Variants in SORCS2 observed in about 807,000 individuals in gnomAD.
SORCS2 encodes sortilin related VPS10 domain containing receptor 2.
SORCS2 carries 100 observed loss-of-function variants against 141.6 expected under a neutral mutation model. The ratio of observed to expected loss-of-function variants is 0.71; its 90% CI spans 0.60 to 0.83. The LOEUF (loss-of-function observed/expected upper bound fraction) is 0.83, where lower values mean the gene tolerates loss of function less well. Ranked by LOEUF, SORCS2 falls within the 40% of genes least tolerant of loss-of-function variation. The pLI, the probability that SORCS2 is intolerant of heterozygous loss-of-function variation, is 0.00. For synonymous variants in SORCS2, 789 were observed against 676.9 expected (o/e 1.17, Z -2.57); for missense variants, 1,646 against 1,560.2 (o/e 1.05, Z -0.93).
intron 3 of SORCS2, among the ~76,000 whole-genome samples, chr4:7,532,606 G>T (rs73089774): frequency 1.3e-5 from 2 of 152,186 alleles, no homozygotes; most frequent in Non-Finnish European, 1.5e-5. Flanking sequence ...CGATGGTTGC[G>T]CTGGTGGCAG....
intron 4 of SORCS2, among the ~76,000 whole-genome samples, chr4:7,640,810 T>TA (rs916926461): frequency 6.6e-6 from 1 of 151,982 alleles, no homozygotes; most frequent in Non-Finnish European, 1.5e-5. Context: ...TGGCTCTGGG[T>TA]AGAGCAACTG....
Position 7,246,363 on chromosome 4 carries a change from C to A in SORCS2, c.480+53237C>A, listed in dbSNP as rs141227715. Among the ~76,000 whole-genome samples, 13 of 152,310 alleles carry A rather than the reference C, an allele frequency of 8.5e-5. No homozygotes were observed. In the East Asian group the frequency reaches 2.5e-3, roughly 29 times the overall value. On this transcript the variant is annotated intron_variant, in intron 1 of 26. Coordinates refer to ENST00000507866, the MANE Select transcript of SORCS2 (RefSeq NM_020777.3). Reference sequence around the variant, plus strand: ...ATGGCTTAAATGAACCCACAGATCTCACCCAGGGCTTAAATGAACCCGCAG... The same window carrying A: ...ATGGCTTAAATGAACCCACAGATCTAACCCAGGGCTTAAATGAACCCGCAG...
At chr4:7,398,664 C>A (rs569342812) in intron 2 of SORCS2, among the ~76,000 whole-genome samples, 17 of 152,262 alleles carry the variant, frequency 1.1e-4, no homozygotes, top group Non-Finnish European at 1.6e-4. Flanking sequence ...ACACAGAATG[C>A]AGTTTTATAT....
intron 2 of SORCS2, among the ~76,000 whole-genome samples, chr4:7,426,805 C>G (rs1726473511): frequency 6.6e-6 from 1 of 152,206 alleles, no homozygotes; most frequent in Admixed American, 6.5e-5. Context: ...TGAGGCGAGG[C>G]CCTCCCGCAC....
chr4:7,622,208 AG>A (rs1719240582), intron 3 of SORCS2, among the ~76,000 whole-genome samples: 1 of 152,068 alleles, frequency 6.6e-6, no homozygotes, highest in South Asian at 2.1e-4. Flanking sequence ...GGAGGAAGAC[AG>A]GGAGCAAGAA....
At chr4:7,339,967 T>G (rs16840091) in intron 1 of SORCS2, among the ~76,000 whole-genome samples, 37,216 of 152,064 alleles carry the variant, frequency 0.24, 5,231 homozygotes, top group African/African-American at 0.38. Flanking sequence ...CTTTACAGAC[T>G]AGGACCTTGA....
chr4:7,661,606 C>T, intron 6 of SORCS2, 42 bp downstream of exon 6: 3 of 1,536,172 alleles, frequency 2.0e-6, no homozygotes, highest in Non-Finnish European at 2.6e-6. Flanking sequence ...CCCTGAGTCA[C>T]CTCGCACCCG....
intron 2 of SORCS2, among the ~76,000 whole-genome samples, chr4:7,523,775 A>C (rs753999873): frequency 2.0e-5 from 3 of 152,034 alleles, no homozygotes; most frequent in Non-Finnish European, 4.4e-5. Context: ...GGCGCCCCGC[A>C]GACACTCAGC....
In SORCS2 at chr4:7,229,880, T is replaced by G. The variant is rs189065691; in HGVS notation, c.480+36754T>G. ...TCTTCGAGTGTCTGGGCAGGAGCAG[T>G]GTGGTGTGCTCATGTATGAAGGAGA... On this transcript the variant is annotated intron_variant, in intron 1 of 26. Coordinates refer to ENST00000507866, the MANE Select transcript of SORCS2 (RefSeq NM_020777.3). 5.4e-3 allele frequency among the ~76,000 whole-genome samples: 771 copies of G among 143,478 alleles called. 5 individuals are homozygous for G. The highest frequency in any genetic ancestry group is 0.013 in the Middle Eastern group (3 of 224). The allele number at this position is 143,478 out of a possible 152,430, so 94.1% of individuals were successfully genotyped here.
chr4:7,522,331 T>G (rs1733379267), intron 2 of SORCS2, among the ~76,000 whole-genome samples: 1 of 152,236 alleles, frequency 6.6e-6, no homozygotes, highest in Admixed American at 6.5e-5. Flanking sequence ...AGTGAATATG[T>G]ACAAACACTC....
Position 7,741,174 on chromosome 4 carries a change from A to G in SORCS2, c.*910A>G. ...GGGTGGTGGAGACGGCACCAGATGT[A>G]CCAGTTTTCTGCAGTTCCTTATAGG... On this transcript the variant is annotated 3_prime_UTR_variant, in exon 27 of 27. Coordinates refer to ENST00000507866, the MANE Select transcript of SORCS2 (RefSeq NM_020777.3). The G allele has an allele frequency of 5.0e-6, 2 of 398,680 alleles. No homozygotes were observed. Among genetic ancestry groups the G allele is most frequent in the Non-Finnish European group, 8.8e-6 (2 of 226,110 alleles). 24.7% of individuals were successfully genotyped at this position (398,680 alleles called of 1,614,324 possible).
chr4:7,693,282 A>G (rs1577081053), intron 11 of SORCS2, among the ~76,000 whole-genome samples: 1 of 152,144 alleles, frequency 6.6e-6, no homozygotes, highest in East Asian at 1.9e-4. Context: ...TGTGAGATCA[A>G]TGTTTCCTGC....
intron 4 of SORCS2, among the ~76,000 whole-genome samples, chr4:7,652,988 A>G (rs1039073415): frequency 6.6e-6 from 1 of 151,392 alleles, no homozygotes; most frequent in Non-Finnish European, 1.5e-5. Flanking sequence ...GCCCACAGGG[A>G]CACCCTCCCA....
At chr4:7,739,915 G>A (rs939426041) in intron 26 of SORCS2, among the ~76,000 whole-genome samples, 2 of 152,204 alleles carry the variant, frequency 1.3e-5, no homozygotes, top group Admixed American at 6.5e-5. Context: ...TGCCGGGGGC[G>A]ATCCCCACGC....
At chr4:7,256,683 G>A (rs555110281) in intron 1 of SORCS2, among the ~76,000 whole-genome samples, 2 of 151,716 alleles carry the variant, frequency 1.3e-5, no homozygotes, top group East Asian at 1.9e-4. Flanking sequence ...CATCAATAGT[G>A]GGGGAGCTGT....
chr4:7,507,778 T>C (rs937650144), intron 2 of SORCS2, among the ~76,000 whole-genome samples: 6 of 152,134 alleles, frequency 3.9e-5, no homozygotes, highest in Non-Finnish European at 8.8e-5. Context: ...GCTGTGTCTC[T>C]CATGAGGGAG....
At chr4:7,302,745 C>T (rs1021354937) in intron 1 of SORCS2, among the ~76,000 whole-genome samples, 4 of 146,890 alleles carry the variant, frequency 2.7e-5, no homozygotes, top group Admixed American at 6.9e-5. Flanking sequence ...GAGCAGTGTC[C>T]GGCATCTAGT....
At chr4:7,525,405 A>ACAGTGGGCTGCCCAGGGAGCAG (rs1445182528) in intron 2 of SORCS2, among the ~76,000 whole-genome samples, 3 of 152,030 alleles carry the variant, frequency 2.0e-5, no homozygotes, top group Admixed American at 6.5e-5. Context: ...GTTAAAATCC[A>ACAGTGGGCTGCCCAGGGAGCAG]CAGTGGGCTG....
At chr4:7,554,998 G>C (rs1028710713) in intron 3 of SORCS2, among the ~76,000 whole-genome samples, 4 of 152,154 alleles carry the variant, frequency 2.6e-5, no homozygotes, top group African/African-American at 7.2e-5. Context: ...GTTGTGTCTG[G>C]AATCAGCTGC....
Sources: allele counts gnomAD v4.1 joint callset (sites outside exome capture counted in the v4.1 genomes callset), GRCh38; gene constraint gnomAD v4.1.1; transcripts MANE v1.5; gene names NCBI Gene and HGNC (gene_info 2026-07-23, HGNC 2026-07-21).